SCN9A: variants seen among roughly 807,000 people sequenced by gnomAD.
The protein encoded by SCN9A is sodium voltage-gated channel alpha subunit 9, also known as sodium channel protein type 9 subunit alpha.
A neutral mutation model predicts 187.0 loss-of-function variants in SCN9A; 131 were observed. The observed-to-expected ratio is 0.70, with a 90% CI of 0.61 to 0.81. The LOEUF is 0.81. Ranked by LOEUF, SCN9A falls within the 30% of genes least tolerant of loss-of-function variation. The pLI is 0.00. For synonymous variants in SCN9A, 809 were observed against 808.6 expected (o/e 1.00, Z -0.01); for missense variants, 2,252 against 2,396.6 (o/e 0.94, Z 1.26).
At chr2:166,336,664 C>T (rs1444444078) in intron 1 of SCN9A, among the ~76,000 whole-genome samples, 1 of 152,058 alleles carries the variant, frequency 6.6e-6, no homozygotes, top group East Asian at 1.9e-4. Context: ...CTGTAAACGG[C>T]CTGAGAGGCT....
rs80126387 is a variant in SCN9A, at chr2:166,358,401, G to T, written c.-51+17296C>A. Among the ~76,000 whole-genome samples, 4 of 151,858 alleles carry T rather than the reference G, an allele frequency of 2.6e-5. No individual in the cohort carries two copies. The East Asian group carries it at 7.7e-4, about 29-fold the overall frequency. On this transcript the variant is annotated intron_variant, in intron 1 of 26. Transcript: ENST00000642356. ...TTCTTAATTCTTATCATTTTAGTTT[G>T]CATTTTCTTTTGTGAGTGAGGTCAG...
At position 166,238,297 on chromosome 2, in the gene SCN9A, T is replaced by C. The variant is rs1041517799; in HGVS notation, c.3628-30A>G. 5.8e-6 allele frequency: 8 copies of C among 1,386,958 alleles called. No individual in the cohort carries two copies. The East Asian group carries it at 7.2e-5, about 12-fold the overall frequency. The allele number at this position is 1,386,958 out of a possible 1,614,324, so 85.9% of individuals were successfully genotyped here. ...GGAAATAATATTCAAGTTTCAATCA[T>C]GCACAACTTAAGCTTCATGATTCAT... On this transcript the variant is annotated intron_variant, in intron 19 of 26. Coordinates refer to ENST00000642356, the MANE Select transcript of SCN9A (RefSeq NM_001365536.1).
intron 4 of SCN9A, 144 bp downstream of exon 4, chr2:166,306,366 G>A (rs994463234): frequency 4.7e-6 from 3 of 640,872 alleles, no homozygotes; most frequent in South Asian, 1.8e-5. Flanking sequence ...CATAGAGGAG[G>A]TAAAGAACAA....
chr2:166,330,164 C>T (rs987421900), intron 1 of SCN9A, among the ~76,000 whole-genome samples: 3 of 152,064 alleles, frequency 2.0e-5, no homozygotes, highest in African/African-American at 7.2e-5. Context: ...ACCAAAGTTC[C>T]TGCATTCTAC....
At chr2:166,359,615 G>T (rs1191269394) in intron 1 of SCN9A, among the ~76,000 whole-genome samples, 1 of 151,902 alleles carries the variant, frequency 6.6e-6, no homozygotes. Context: ...TAATTTGGTA[G>T]ATGGCAAATC....
chr2:166,302,402 A>G (rs983691264), intron 7 of SCN9A: 18 of 152,152 alleles, frequency 1.2e-4, no homozygotes, highest in African/African-American at 4.3e-4. Flanking sequence ...CATACAGATG[A>G]TCTCATGTGG....
chr2:166,345,402 G>A (rs536676061), intron 1 of SCN9A, among the ~76,000 whole-genome samples: 2 of 152,068 alleles, frequency 1.3e-5, no homozygotes, highest in African/African-American at 4.8e-5. Context: ...TTTAATTCAT[G>A]GAGAGTTACA....
rs1467843147 is a variant in SCN9A, at chr2:166,310,315, A to G, written c.258+1184T>C. 2.4e-5 allele frequency among the ~76,000 whole-genome samples: 2 copies of G among 83,036 alleles called. 1 individual carries two copies. Among genetic ancestry groups the G allele is most frequent in the Admixed American group, 2.1e-4 (2 of 9,674 alleles). The allele number at this position is 83,036 out of a possible 152,430, so 54.5% of individuals were successfully genotyped here. On this transcript the variant is annotated intron_variant, in intron 2 of 26. Coordinates refer to ENST00000642356, the MANE Select transcript of SCN9A (RefSeq NM_001365536.1). ...AAACTACCATCAGAGTGAACATGCA[A>G]CCTACAAAATGGGAGACAATTTTCG... is the stretch of plus-strand genomic sequence containing the variant.
intron 21 of SCN9A, 86 bp from the exon 22 acceptor site, chr2:166,229,058 T>A: frequency 8.8e-7 from 1 of 1,132,050 alleles, no homozygotes; most frequent in Non-Finnish European, 1.3e-6. Context: ...CAGACATAAA[T>A]AAATTAGAAA....
chr2:166,242,004 T>A (rs745636623), intron 19 of SCN9A, among the ~76,000 whole-genome samples: 2 of 152,114 alleles, frequency 1.3e-5, no homozygotes, highest in African/African-American at 4.8e-5. Flanking sequence ...TTGAAATTAG[T>A]TTTATCTATA....
chr2:166,279,800 T>A (rs12465551), intron 14 of SCN9A, among the ~76,000 whole-genome samples: 16,515 of 151,872 alleles, frequency 0.11, 1,055 homozygotes, highest in Admixed American at 0.18. Flanking sequence ...CAGTTACAAT[T>A]ATATTATAAA....
chr2:166,234,663 C>T (rs1695234883), intron 20 of SCN9A, among the ~76,000 whole-genome samples: 1 of 152,018 alleles, frequency 6.6e-6, no homozygotes, highest in South Asian at 2.1e-4. Context: ...CTCCTCATGC[C>T]ACTCTTAAAT....
At chr2:166,266,177 T>C (rs1478932006) in intron 17 of SCN9A, among the ~76,000 whole-genome samples, 2 of 152,064 alleles carry the variant, frequency 1.3e-5, no homozygotes, top group East Asian at 3.9e-4. Context: ...TTTTTTTTCT[T>C]CTCTAATAGT....
At chr2:166,200,543 T>C (rs552399972) in intron 26 of SCN9A, among the ~76,000 whole-genome samples, 5 of 152,244 alleles carry the variant, frequency 3.3e-5, no homozygotes, top group Admixed American at 3.3e-4. Flanking sequence ...CTATTATCAA[T>C]ATTTTTTTGA....
At chr2:166,232,752 T>G (rs62176630) in intron 21 of SCN9A, among the ~76,000 whole-genome samples, 3,026 of 50,736 alleles carry the variant, frequency 0.06, 46 homozygotes, top group South Asian at 0.12. Flanking sequence ...TATATATATA[T>G]AGAGAGAGAG....
chr2:166,283,156 G>C lies in SCN9A; in HGVS notation c.1974+1297C>G, dbSNP rs114309747. Among the ~76,000 whole-genome samples, 184 of 152,146 alleles carry C rather than the reference G, an allele frequency of 1.2e-3. 1 individual carries two copies. The highest frequency in any genetic ancestry group is 4.4e-3 in the African/African-American group (181 of 41,520). ...AAAATATGAAATAATCTCCTAATCT[G>C]ATATAAATTATATAGTATTTTACAT... On this transcript the variant is annotated intron_variant, in intron 12 of 26. Coordinates refer to ENST00000642356, the MANE Select transcript of SCN9A (RefSeq NM_001365536.1).
Position 166,311,529 on chromosome 2 carries a change from C to T in SCN9A, c.228G>A (p.Glu76=), listed in dbSNP as rs545277826. 30 of 1,611,108 alleles carry T rather than the reference C, an allele frequency of 1.9e-5. No homozygotes were observed. The highest frequency in any genetic ancestry group is 3.3e-5 in the Admixed American group (2 of 59,784). The stretch of plus-strand genomic sequence containing the variant: ...TGTCTGCATAGTAGGGGTCCAAGTC[C>T]TCCAGGGGCTCTGACACCATGCCGG... The part of the protein sequence containing the change: ...IPPGMVSEPL[E]DLDPYYADKK... Residue 76 remains glutamate, a synonymous_variant, in exon 2 of 27, where the codon GAG becomes GAA. Coordinates refer to ENST00000642356, the MANE Select transcript of SCN9A (RefSeq NM_001365536.1).
chr2:166,287,992 TTATA>T (rs529339487), intron 10 of SCN9A, among the ~76,000 whole-genome samples: 3 of 146,814 alleles, frequency 2.0e-5, no homozygotes, highest in African/African-American at 7.4e-5. Flanking sequence ...TAAATTGAGA[TTATA>T]TATATATTAT....
intron 24 of SCN9A, 91 bp from the exon 25 acceptor site, chr2:166,204,555 A>G: frequency 1.5e-6 from 1 of 686,306 alleles, no homozygotes; most frequent in South Asian, 2.6e-5. Context: ...AAAATGTGTT[A>G]ATATAGAAAT....
Sources: gnomAD v4.1 joint callset for allele counts (sites outside exome capture counted in the v4.1 genomes callset) on GRCh38, gnomAD v4.1.1 for gene constraint, MANE v1.5 for transcripts, NCBI Gene and HGNC (gene_info 2026-07-23, HGNC 2026-07-21) for gene names.